Variants in HDAC4 observed in about 807,000 individuals in gnomAD.
HDAC4 encodes histone deacetylase A.
HDAC4 carries 16 observed loss-of-function variants against 135.1 expected under a neutral mutation model. The observed-to-expected ratio is 0.12, with a 90% confidence interval of 0.08 to 0.18. HDAC4 has a LOEUF of 0.18. Among genes scored for constraint, HDAC4 ranks in the 10% least tolerant of loss-of-function variants. HDAC4 has a pLI of 1.00. For missense variants in HDAC4, 1,143 were observed against 1,511.8 expected, an observed-to-expected ratio of 0.76 and a Z score of 4.05; for synonymous variants, 685 against 653.4, an observed-to-expected ratio of 1.05 and a Z score of -0.74.
chr2:239,390,266 T>C (rs73106715), intron 1 of HDAC4, among the ~76,000 whole-genome samples: 14,498 of 152,204 alleles, frequency 0.095, 1,679 homozygotes, highest in African/African-American at 0.28. Context: ...GTACAGTACC[T>C]CACGCTTGTA....
At chr2:239,246,203 G>A (rs546545345) in intron 2 of HDAC4, among the ~76,000 whole-genome samples, 36 of 152,318 alleles carry the variant, frequency 2.4e-4, no homozygotes, top group Non-Finnish European at 2.6e-4. Flanking sequence ...GGCAGAGCCC[G>A]GTGGGGAGGC....
intron 10 of HDAC4, 41 bp downstream of exon 10, chr2:239,134,486 C>T: frequency 6.2e-7 from 1 of 1,613,248 alleles, no homozygotes; most frequent in Non-Finnish European, 8.5e-7. Flanking sequence ...GGACCCATCA[C>T]CACCACCCCA....
At chr2:239,181,259 T>C in intron 4 of HDAC4, among the ~76,000 whole-genome samples, 1 of 151,884 alleles carries the variant, frequency 6.6e-6, no homozygotes, top group East Asian at 1.9e-4. Flanking sequence ...TGGCAGGAGG[T>C]AGGCCCACAC....
intron 3 of HDAC4, among the ~76,000 whole-genome samples, chr2:239,225,010 A>G (rs142579976): frequency 0.014 from 2,086 of 152,354 alleles, 39 homozygotes; most frequent in East Asian, 0.071. Context: ...AAAATTCAAC[A>G]GCTGGGTAAT....
At chr2:239,379,472 G>A (rs1274363479) in intron 1 of HDAC4, among the ~76,000 whole-genome samples, 3 of 152,128 alleles carry the variant, frequency 2.0e-5, no homozygotes, top group African/African-American at 7.2e-5. Flanking sequence ...CACAGCCCCA[G>A]CCCAGCCCCA....
At position 239,156,776 on chromosome 2, in the gene HDAC4, G is replaced by A. The variant is rs199563807; in HGVS notation, c.612-3C>T. 6 of 1,614,122 alleles carry A rather than the reference G, an allele frequency of 3.7e-6. No individual in the cohort carries two copies. The highest frequency in any genetic ancestry group is 2.7e-5 in the African/African-American group (2 of 75,032). ...CAAGGGAACTGTGCTGCGTTTTCCTGGAGAGAAGGCAAAGACAGATGGTTT... is the reference window on the plus strand; with the variant it reads ...CAAGGGAACTGTGCTGCGTTTTCCTAGAGAGAAGGCAAAGACAGATGGTTT... On this transcript the variant is annotated splice_region_variant and splice_polypyrimidine_tract_variant and intron_variant, in intron 6 of 26. Transcript: ENST00000543185.
chr2:239,210,084 G>C (rs754617219), intron 3 of HDAC4, among the ~76,000 whole-genome samples: 5 of 152,166 alleles, frequency 3.3e-5, no homozygotes, highest in Admixed American at 1.3e-4. Flanking sequence ...CCAGCAACAA[G>C]CCCTCTCCTT....
intron 9 of HDAC4, among the ~76,000 whole-genome samples, chr2:239,138,685 CTCTT>C (rs1559497586): frequency 6.6e-6 from 1 of 152,236 alleles, no homozygotes; most frequent in African/African-American, 2.4e-5. Context: ...CTCTGCCTCT[CTCTT>C]CTTCCCCGTG....
chr2:239,173,906 C>T (rs983800787), intron 5 of HDAC4, among the ~76,000 whole-genome samples: 2 of 152,138 alleles, frequency 1.3e-5, no homozygotes, highest in Non-Finnish European at 2.9e-5. Flanking sequence ...AATGGCTTGA[C>T]ATATATTTAA....
intron 2 of HDAC4, among the ~76,000 whole-genome samples, chr2:239,304,885 C>T (rs995532324): frequency 3.3e-5 from 5 of 152,046 alleles, no homozygotes; most frequent in African/African-American, 9.7e-5. Flanking sequence ...CATAGGAGAA[C>T]GCGAATGACT....
chr2:239,312,659 G>A (rs997067278), intron 2 of HDAC4, among the ~76,000 whole-genome samples: 2 of 152,194 alleles, frequency 1.3e-5, no homozygotes, highest in Non-Finnish European at 2.9e-5. Flanking sequence ...ACGGAAAACT[G>A]CATCTGGAAC....
At chr2:239,355,869 T>C (rs1693460145) in intron 1 of HDAC4, among the ~76,000 whole-genome samples, 2 of 152,258 alleles carry the variant, frequency 1.3e-5, no homozygotes, top group South Asian at 4.1e-4. Flanking sequence ...GCACGGTTCC[T>C]AGCCAAATGT....
chr2:239,311,280 T>C (rs2052863045), intron 2 of HDAC4, among the ~76,000 whole-genome samples: 1 of 152,160 alleles, frequency 6.6e-6, no homozygotes, highest in Non-Finnish European at 1.5e-5. Flanking sequence ...GCTGTGTCAC[T>C]GGCATGCTGG....
intron 2 of HDAC4, among the ~76,000 whole-genome samples, chr2:239,252,393 A>T (rs1440243583): frequency 2.0e-5 from 3 of 152,224 alleles, no homozygotes; most frequent in Non-Finnish European, 4.4e-5. Context: ...TATGCCATGG[A>T]CATGGCCCAC....
rs976477085 is a variant in HDAC4, at chr2:239,119,030, C to T, written c.1534-3720G>A. 2.0e-5 allele frequency among the ~76,000 whole-genome samples: 3 copies of T among 152,140 alleles called. No individual in the cohort carries two copies. In the South Asian group the frequency reaches 6.2e-4, roughly 32 times the overall value. The stretch of plus-strand genomic sequence containing the variant: ...AGCAGGGGCGCCGGGTGAAGCAGCG[C>T]TGTTTCACAGGGGACCTCGAAGATG... On this transcript the variant is annotated intron_variant, in intron 12 of 26. Transcript: ENST00000543185.
chr2:239,288,248 T>C (rs2051249516), intron 2 of HDAC4, among the ~76,000 whole-genome samples: 1 of 152,164 alleles, frequency 6.6e-6, no homozygotes, highest in Admixed American at 6.5e-5. Flanking sequence ...TATACGATCA[T>C]CACAACAGAC....
chr2:239,161,561 G>C (rs1470905980), intron 6 of HDAC4, among the ~76,000 whole-genome samples: 1 of 152,082 alleles, frequency 6.6e-6, no homozygotes, highest in Non-Finnish European at 1.5e-5. Flanking sequence ...TTAAGTTCAG[G>C]GTTCAAATAC....
chr2:239,321,719 T>C (rs1254671924), intron 2 of HDAC4, among the ~76,000 whole-genome samples: 3 of 152,116 alleles, frequency 2.0e-5, no homozygotes, highest in African/African-American at 7.2e-5. Flanking sequence ...ATTTTATAGT[T>C]ACTTGCTCTG....
chr2:239,116,320 G>A (rs754951195), intron 12 of HDAC4, among the ~76,000 whole-genome samples: 8 of 149,120 alleles, frequency 5.4e-5, no homozygotes, highest in African/African-American at 1.6e-4. Flanking sequence ...GTCCAATGCC[G>A]AACGCAGGGC....
Sources: gnomAD v4.1 joint callset for allele counts (sites outside exome capture counted in the v4.1 genomes callset) on GRCh38, gnomAD v4.1.1 for gene constraint, MANE v1.5 for transcripts, NCBI Gene and HGNC (gene_info 2026-07-23, HGNC 2026-07-21) for gene names.